LRBA: variants seen among roughly 807,000 people sequenced by gnomAD.
LRBA encodes lipopolysaccharide-responsive and beige-like anchor protein.
Under a neutral mutation model 330.0 loss-of-function variants are expected in LRBA, and 176 were observed. The observed-to-expected ratio is 0.53, with a 90% CI of 0.47 to 0.60. LRBA has a LOEUF of 0.60. Among genes scored for constraint, LRBA ranks in the 20% least tolerant of loss-of-function variants. The pLI is 0.00. For synonymous variants in LRBA, 1,230 were observed against 1,193.0 expected (o/e 1.03, Z -0.64); for missense variants, 3,259 against 3,444.8 (o/e 0.95, Z 1.35).
At chr4:150,888,296 AG>A (rs1216204253) in intron 17 of LRBA, among the ~76,000 whole-genome samples, 2 of 152,226 alleles carry the variant, frequency 1.3e-5, no homozygotes, top group African/African-American at 4.8e-5. Context: ...CTTTTTCAGC[AG>A]AAGTTCTTCT....
At chr4:150,655,302 T>A (rs1007621677) in intron 37 of LRBA, among the ~76,000 whole-genome samples, 1 of 152,226 alleles carries the variant, frequency 6.6e-6, no homozygotes, top group Admixed American at 6.5e-5. Context: ...ATCCTGGTGA[T>A]CACTTCCAAA....
Position 150,551,864 on chromosome 4 carries a change from A to C in LRBA, c.6330+36184T>G, listed in dbSNP as rs539886601. Among the ~76,000 whole-genome samples, 5 of 152,284 alleles carry C rather than the reference A, an allele frequency of 3.3e-5. No homozygotes were observed. In the South Asian group the frequency reaches 1.0e-3, roughly 32 times the overall value. On this transcript the variant is annotated intron_variant, in intron 40 of 56. Transcript: ENST00000651943. ...CACGGATATACATATAATTTCTTACATCATACTTACCCTTTAGAATAGCAG... is the reference window on the plus strand; with the variant it reads ...CACGGATATACATATAATTTCTTACCTCATACTTACCCTTTAGAATAGCAG...
At chr4:150,744,104 T>G (rs556578765) in intron 35 of LRBA, among the ~76,000 whole-genome samples, 31 of 152,240 alleles carry the variant, frequency 2.0e-4, no homozygotes, top group Non-Finnish European at 3.4e-4. Context: ...CATTTAGGCA[T>G]TACAGACAAA....
intron 37 of LRBA, among the ~76,000 whole-genome samples, chr4:150,645,134 C>A (rs1779006323): frequency 7.0e-6 from 1 of 143,414 alleles, no homozygotes; most frequent in Admixed American, 7.0e-5. Context: ...GAGATCCTGT[C>A]TCAAGAAAAA....
chr4:150,293,345 G>C (rs1171979518), intron 53 of LRBA, among the ~76,000 whole-genome samples: 1 of 152,110 alleles, frequency 6.6e-6, no homozygotes, highest in Non-Finnish European at 1.5e-5. Flanking sequence ...TAACTTCCTA[G>C]TTTTACAATG....
rs765794470 is a variant in LRBA at position 150,852,108 on chromosome 4, A to G, written c.3602T>C (p.Val1201Ala). 1 of 1,614,146 alleles carries G rather than the reference A, an allele frequency of 6.2e-7. No homozygotes were observed. Among genetic ancestry groups the G allele is most frequent in the East Asian group, 2.2e-5 (1 of 44,882 alleles). ...SPETTVSQIA[V>A]ESDLGQMLEE... Reference sequence around the variant, plus strand: ...CAGCATCTGACCAAGGTCTGATTCTACAGCTATTTGGGAAACAGTAGTTTC... The same window carrying G: ...CAGCATCTGACCAAGGTCTGATTCTGCAGCTATTTGGGAAACAGTAGTTTC... Residue 1201 changes from valine (V) to alanine (A), a missense_variant, in exon 23 of 57, where the codon GTA becomes GCA. Val to Ala is a moderately conservative substitution (Grantham distance 64). Coordinates refer to ENST00000651943, the MANE Select transcript of LRBA (RefSeq NM_001364905.1).
At chr4:150,802,554 T>C (rs991305841) in intron 33 of LRBA, among the ~76,000 whole-genome samples, 1 of 152,096 alleles carries the variant, frequency 6.6e-6, no homozygotes, top group Non-Finnish European at 1.5e-5. Flanking sequence ...CTTTGTTCTT[T>C]GGAAAATCTC....
intron 47 of LRBA, among the ~76,000 whole-genome samples, chr4:150,386,908 C>T (rs879736636): frequency 6.6e-6 from 1 of 152,126 alleles, no homozygotes; most frequent in Non-Finnish European, 1.5e-5. Flanking sequence ...CCTTTTTCTA[C>T]ACAACCTCGC....
chr4:150,880,494 T>C (rs563849174), intron 17 of LRBA, among the ~76,000 whole-genome samples: 65 of 140,562 alleles, frequency 4.6e-4, no homozygotes, highest in African/African-American at 1.7e-3. Flanking sequence ...CACTCCAACC[T>C]GGGAAACAGA....
At chr4:150,837,042 T>C (rs1215897996) in intron 28 of LRBA, among the ~76,000 whole-genome samples, 2 of 152,200 alleles carry the variant, frequency 1.3e-5, no homozygotes, top group Non-Finnish European at 2.9e-5. Flanking sequence ...CTGCCTTCAT[T>C]TTGTTATGTA....
At chr4:150,994,033 C>G (rs1271967211) in intron 2 of LRBA, among the ~76,000 whole-genome samples, 3 of 149,836 alleles carry the variant, frequency 2.0e-5, no homozygotes, top group Non-Finnish European at 4.4e-5. Context: ...CCACTGCACT[C>G]CAGCCTGGGC....
intron 40 of LRBA, among the ~76,000 whole-genome samples, chr4:150,555,948 C>G (rs1767268956): frequency 6.6e-6 from 1 of 151,862 alleles, no homozygotes. Context: ...ACAGCAGGAG[C>G]ACACCACTAT....
At chr4:150,411,340 G>A (rs564594601) in intron 47 of LRBA, among the ~76,000 whole-genome samples, 10 of 152,056 alleles carry the variant, frequency 6.6e-5, no homozygotes, top group African/African-American at 1.9e-4. Context: ...ACACAAACAG[G>A]GAATGTAGCA....
rs759269010 is a variant in LRBA, at chr4:150,588,245, C to T, written c.6194-61G>A. ...ATGACATTTTTCAAAAAATCAAATT[C>T]GACCAGAAATTGTATTTAATCTTTT... On this transcript the variant is annotated intron_variant, in intron 39 of 56. Coordinates refer to ENST00000651943, the MANE Select transcript of LRBA (RefSeq NM_001364905.1). 11 of 1,513,970 alleles carry T rather than the reference C, an allele frequency of 7.3e-6. No individual in the cohort carries two copies. The East Asian group carries it at 9.2e-5, about 13-fold the overall frequency. 93.8% of individuals were successfully genotyped at this position (1,513,970 alleles called of 1,614,324 possible). A position where few individuals can be genotyped will look rare whatever the true frequency, so the allele number is the denominator to read the frequency against.
intron 13 of LRBA, among the ~76,000 whole-genome samples, chr4:150,902,368 C>CT (rs992802200): frequency 1.1e-3 from 171 of 151,386 alleles, no homozygotes; most frequent in African/African-American, 4.0e-3. Flanking sequence ...AAAAACTTTT[C>CT]TTTTTTTTTA....
At chr4:150,961,631 T>G (rs1354287367) in intron 2 of LRBA, among the ~76,000 whole-genome samples, 1 of 149,282 alleles carries the variant, frequency 6.7e-6, no homozygotes, top group Non-Finnish European at 1.5e-5. Context: ...TAAATTTCTC[T>G]AGGAAAAGTA....
At chr4:150,968,399 C>A (rs1739148718) in intron 2 of LRBA, among the ~76,000 whole-genome samples, 1 of 152,138 alleles carries the variant, frequency 6.6e-6, no homozygotes, top group Non-Finnish European at 1.5e-5. Flanking sequence ...CCTCTTGTGC[C>A]AAAATCCAAG....
intron 47 of LRBA, among the ~76,000 whole-genome samples, chr4:150,359,950 A>T (rs1418889126): frequency 6.6e-6 from 1 of 151,146 alleles, no homozygotes; most frequent in Non-Finnish European, 1.5e-5. Context: ...ACTGTACTCC[A>T]GCCTGGGTGA....
intron 33 of LRBA, among the ~76,000 whole-genome samples, chr4:150,803,279 A>C (rs1742013299): frequency 6.6e-6 from 1 of 151,822 alleles, no homozygotes; most frequent in Non-Finnish European, 1.5e-5. Context: ...TTAAGTATTC[A>C]AGGGTTGAAT....
Sources: allele counts gnomAD v4.1 joint callset (sites outside exome capture counted in the v4.1 genomes callset), GRCh38; gene constraint gnomAD v4.1.1; transcripts MANE v1.5; gene names NCBI Gene and HGNC (gene_info 2026-07-23, HGNC 2026-07-21).